PTP4A2: variants seen among roughly 807,000 people sequenced by gnomAD.
The protein encoded by PTP4A2 is protein tyrosine phosphatase type IVA 2.
PTP4A2 carries 2 observed loss-of-function variants against 22.9 expected under a neutral mutation model. That is an observed-to-expected ratio of 0.09 (90% CI 0.04 to 0.27). The LOEUF (loss-of-function observed/expected upper bound fraction) is 0.27. Among genes scored for constraint, PTP4A2 ranks in the 10% least tolerant of loss-of-function variants. The pLI is 1.00. For synonymous variants in PTP4A2, 68 were observed against 69.1 expected (o/e 0.98, Z 0.08); for missense variants, 103 against 205.1 (o/e 0.50, Z 3.04).
intron 1 of PTP4A2, among the ~76,000 whole-genome samples, chr1:31,937,489 C>CCA (rs1304972987): frequency 1.3e-5 from 2 of 151,808 alleles, no homozygotes; most frequent in African/African-American, 4.8e-5. Context: ...GCACACCCTA[C>CCA]CACACTCCTG....
In PTP4A2 at chr1:31,911,901, A is replaced by G. The variant is rs573724049; in HGVS notation, c.190-75T>C. 23 of 1,162,336 alleles carry G rather than the reference A, an allele frequency of 2.0e-5. No individual in the cohort carries two copies. The East Asian group carries it at 5.7e-4, about 29-fold the overall frequency. The allele number at this position is 1,162,336 out of a possible 1,614,324, so 72.0% of individuals were successfully genotyped here. ...ACATCCTAATACAGAATACCTGCACACAGTACACACGGCAGGCCTAACTGA... is the reference window on the plus strand; with the variant it reads ...ACATCCTAATACAGAATACCTGCACGCAGTACACACGGCAGGCCTAACTGA... On this transcript the variant is annotated intron_variant, in intron 3 of 5. Transcript: ENST00000647444.
intron 1 of PTP4A2, among the ~76,000 whole-genome samples, chr1:31,927,477 G>A (rs554593262): frequency 3.8e-4 from 58 of 152,104 alleles, no homozygotes; most frequent in Non-Finnish European, 5.4e-4. Context: ...ATTTACCCAC[G>A]TAACAAACCT....
intron 1 of PTP4A2, among the ~76,000 whole-genome samples, chr1:31,937,545 C>A (rs1363241679): frequency 6.6e-6 from 1 of 151,712 alleles, no homozygotes; most frequent in Non-Finnish European, 1.5e-5. Context: ...GTTCTCCCCC[C>A]ACACTCACCC....
Position 31,910,028 on chromosome 1 carries a change from TC to T in PTP4A2, c.395+9del. ...TTCTGTGTTTCTGAACACAAAAACT[TC>T]ATACTCACTGTCTTATAAACTGAAC... is the stretch of plus-strand genomic sequence containing the variant. On this transcript the variant is annotated intron_variant, in intron 5 of 5. Transcript: ENST00000647444. 6.2e-7 allele frequency: 1 copy of T among 1,601,446 alleles called. No homozygotes were observed. The highest frequency in any genetic ancestry group is 1.7e-4 in the Middle Eastern group (1 of 6,034).
chr1:31,912,907 C>A (rs1482003798), intron 3 of PTP4A2: 1 of 390,302 alleles, frequency 2.6e-6, no homozygotes, highest in Non-Finnish European at 5.1e-6. Flanking sequence ...GACAACTACG[C>A]CCCATAATTA....
At chr1:31,921,562 G>A (rs1652156764) in intron 1 of PTP4A2, 1 of 152,164 alleles carries the variant, frequency 6.6e-6, no homozygotes, top group Non-Finnish European at 1.5e-5. Flanking sequence ...TTGAAACACA[G>A]TAATCTTTAC....
chr1:31,930,216 T>C (rs1415985377), intron 1 of PTP4A2, among the ~76,000 whole-genome samples: 2 of 150,688 alleles, frequency 1.3e-5, no homozygotes, highest in African/African-American at 5.0e-5. Flanking sequence ...CGGGCGCCTG[T>C]AGTTCCAGCT....
chr1:31,926,769 G>T (rs868550831), intron 1 of PTP4A2, among the ~76,000 whole-genome samples: 19 of 152,110 alleles, frequency 1.2e-4, no homozygotes, highest in African/African-American at 4.6e-4. Context: ...CAGAAAAAAA[G>T]AAATAAAAAT....
At chr1:31,928,422 G>A (rs563501617) in intron 1 of PTP4A2, among the ~76,000 whole-genome samples, 3 of 151,272 alleles carry the variant, frequency 2.0e-5, no homozygotes, top group South Asian at 4.2e-4. Flanking sequence ...TTTTTTGGCC[G>A]GGCGCGATGG....
chr1:31,908,728 G>A lies in PTP4A2; in HGVS notation c.*124C>T. 6.4e-6 allele frequency: 4 copies of A among 622,624 alleles called. No individual in the cohort carries two copies. The East Asian group carries it at 1.1e-4, about 17-fold the overall frequency. The allele number at this position is 622,624 out of a possible 1,614,324, so 38.6% of individuals were successfully genotyped here. On this transcript the variant is annotated 3_prime_UTR_variant, in exon 6 of 6. Transcript: ENST00000647444. The stretch of plus-strand genomic sequence containing the variant: ...CTTTTGTTCCAATCATTAGGAGAGT[G>A]GTTGAGGAGTACTGAATCCATCACT...
intron 3 of PTP4A2, chr1:31,913,082 T>A (rs1221439660): frequency 9.3e-6 from 4 of 427,892 alleles, no homozygotes; most frequent in African/African-American, 8.3e-5. Context: ...TGTCTATTTT[T>A]AAAAAAATCA....
rs1406203739 is a variant in PTP4A2 at position 31,928,187 on chromosome 1, TATAAC to T, written c.-593-8534_-593-8530del. On this transcript the variant is annotated intron_variant, in intron 1 of 5. Transcript: ENST00000647444. ...TATATTATATATAACAAATATATAT[TATAAC>T]ATATATTTATATATTATAATATATA... Among the ~76,000 whole-genome samples, 76 of 146,400 alleles carry T rather than the reference TATAAC, an allele frequency of 5.2e-4. 1 individual carries two copies. The South Asian group carries it at 0.011, about 22-fold the overall frequency.
rs1289725488 is a variant in PTP4A2, at chr1:31,906,885, G to A, written c.*1967C>T. On this transcript the variant is annotated 3_prime_UTR_variant, in exon 6 of 6. Transcript: ENST00000647444. ...AGTGGAATCAACACCATCTATCTTAGCTTAGCAGGTATGCTGTTTTGATCT... is the reference window on the plus strand; with the variant it reads ...AGTGGAATCAACACCATCTATCTTAACTTAGCAGGTATGCTGTTTTGATCT... 1 of 152,056 alleles carries A rather than the reference G, an allele frequency of 6.6e-6. No homozygotes were observed. Among genetic ancestry groups the A allele is most frequent in the East Asian group, 1.9e-4 (1 of 5,200 alleles). The allele number at this position is 152,056 out of a possible 1,614,324, so 9.4% of individuals were successfully genotyped here.
intron 2 of PTP4A2, among the ~76,000 whole-genome samples, chr1:31,916,345 CAAAAAAAAAAAAA>C (rs1167002913): frequency 1.7e-4 from 6 of 35,446 alleles, no homozygotes; most frequent in South Asian, 2.4e-3. Context: ...ACTCCGTCTC[CAAAAAAAAAAAAA>C]AAAAAAAAAA....
chr1:31,933,210 G>C (rs1247723751), intron 1 of PTP4A2: 2 of 152,248 alleles, frequency 1.3e-5, no homozygotes, highest in African/African-American at 2.4e-5. Flanking sequence ...ATGTTGCCCA[G>C]GCTGGTCTCG....
intron 1 of PTP4A2, among the ~76,000 whole-genome samples, chr1:31,937,363 C>A (rs1243456090): frequency 1.3e-5 from 2 of 151,962 alleles, no homozygotes; most frequent in African/African-American, 2.4e-5. Flanking sequence ...GACCCACGGA[C>A]AAGATGCTCC....
chr1:31,913,110 TC>T (rs1339808153), intron 3 of PTP4A2: 3 of 414,492 alleles, frequency 7.2e-6, no homozygotes, highest in Non-Finnish European at 1.4e-5. Flanking sequence ...TTTAGAAACA[TC>T]TGAACCTCAA....
At chr1:31,922,591 TTTCTTTC>T (rs1161051555) in intron 1 of PTP4A2, among the ~76,000 whole-genome samples, 1 of 11,298 alleles carries the variant, frequency 8.9e-5, no homozygotes, top group African/African-American at 3.7e-4. Context: ...GGTTTGTTTC[TTTCTTTC>T]TTTCTTTCTT....
In PTP4A2 at chr1:31,924,900, T is replaced by TAA. The variant is rs574790599; in HGVS notation, c.-593-5244_-593-5243dup. 2.2e-3 allele frequency among the ~76,000 whole-genome samples: 326 copies of TAA among 150,356 alleles called. 1 individual carries two copies. The South Asian group carries it at 0.024, about 11-fold the overall frequency. On this transcript the variant is annotated intron_variant, in intron 1 of 5. Transcript: ENST00000647444. The stretch of plus-strand genomic sequence containing the variant: ...ATTAAGAAAGGAGGGAGATAAGGGA[T>TAA]AAAAAAAAAGAAAAAACTATCCAGA...
Sources: allele counts gnomAD v4.1 joint callset (sites outside exome capture counted in the v4.1 genomes callset), GRCh38; gene constraint gnomAD v4.1.1; transcripts MANE v1.5; gene names NCBI Gene and HGNC (gene_info 2026-07-23, HGNC 2026-07-21).